The following PARP16 variants were observed in gnomAD, a reference collection of about 807,000 sequenced individuals.
PARP16 encodes poly(ADP-ribose) polymerase family member 16.
A neutral mutation model predicts 35.0 loss-of-function variants in PARP16; 31 were observed. That is an observed-to-expected ratio of 0.88 (90% confidence interval 0.66 to 1.19). The LOEUF is 1.19. Among genes scored for constraint, PARP16 ranks in the 50% most tolerant of loss-of-function variants. The probability of loss-of-function intolerance (pLI) is 0.00; values close to 1 mark genes in which losing one functional copy is unlikely to be tolerated. For missense variants in PARP16, 424 were observed against 411.2 expected (o/e 1.03, Z -0.27); for synonymous variants, 162 against 169.5 (o/e 0.96, Z 0.34).
Position 65,286,566 on chromosome 15 carries a change from GC to G in PARP16, c.-141del. On this transcript the variant is annotated 5_prime_UTR_variant, in exon 1 of 6. Coordinates refer to ENST00000649807, the MANE Select transcript of PARP16 (RefSeq NM_001316943.2). ...AGCCTGGGGTGGAGCTAGGCAGGGG[GC>G]TGAGATGACAGGGGTGAGAACGTGC... 1 of 585,108 alleles carries G rather than the reference GC, an allele frequency of 1.7e-6. No individual in the cohort carries two copies. Among genetic ancestry groups the G allele is most frequent in the Non-Finnish European group, 2.8e-6 (1 of 353,760 alleles). The allele number at this position is 585,108 out of a possible 1,614,324, so 36.2% of individuals were successfully genotyped here. A position where few individuals can be genotyped will look rare whatever the true frequency, so the allele number is the denominator to read the frequency against.
At chr15:65,266,531 C>G (rs76739062) in intron 3 of PARP16, 31 bp downstream of exon 3, 21,466 of 1,551,118 alleles carry the variant, frequency 0.014, 187 homozygotes, top group African/African-American at 0.04. Flanking sequence ...CCCTGCTTCC[C>G]CACATCAGCA....
At chr15:65,250,534 C>T (rs1001547109) in intron 2 of PARP16, among the ~76,000 whole-genome samples, 1 of 152,164 alleles carries the variant, frequency 6.6e-6, no homozygotes, top group Non-Finnish European at 1.5e-5. Flanking sequence ...AGAATAGTAT[C>T]TGCCTTGCAG....
chr15:65,257,498 G>T (rs2089550496), downstream of PARP16, among the ~76,000 whole-genome samples: 1 of 151,664 alleles, frequency 6.6e-6, no homozygotes, highest in Admixed American at 6.6e-5. Context: ...AGGCATGGTG[G>T]TGTGTGCCTG....
At chr15:65,263,356 T>A in intron 3 of PARP16, 36 bp from the exon 4 acceptor site, 3 of 1,525,198 alleles carry the variant, frequency 2.0e-6, no homozygotes, top group Non-Finnish European at 2.7e-6. Context: ...GAAACACAGA[T>A]GGTTGAATGT....
intron 1 of PARP16, among the ~76,000 whole-genome samples, chr15:65,282,364 T>C (rs1156477454): frequency 6.6e-6 from 1 of 152,222 alleles, no homozygotes; most frequent in Non-Finnish European, 1.5e-5. Flanking sequence ...CAAAATGATC[T>C]AGCCAGTCCA....
At chr15:65,240,230 C>T (rs2089020275) in intron 3 of PARP16, among the ~76,000 whole-genome samples, 1 of 151,894 alleles carries the variant, frequency 6.6e-6, no homozygotes, top group Admixed American at 6.6e-5. Context: ...CTCCACCTCC[C>T]GGGTTCACGC....
intron 1 of PARP16, among the ~76,000 whole-genome samples, chr15:65,274,246 C>CT (rs112213715): frequency 0.13 from 18,734 of 140,182 alleles, 1,516 homozygotes; most frequent in Admixed American, 0.23. Context: ...GCCCAGCATA[C>CT]TTTTTTTTTT....
chr15:65,261,310 A>G (rs576752381), intron 4 of PARP16, among the ~76,000 whole-genome samples: 1 of 151,604 alleles, frequency 6.6e-6, no homozygotes, highest in African/African-American at 2.4e-5. Context: ...TGATGGCCAT[A>G]GCAAAGAAAT....
chr15:65,237,434 T>C (rs2088914820), intron 3 of PARP16, among the ~76,000 whole-genome samples: 1 of 152,112 alleles, frequency 6.6e-6, no homozygotes, highest in Admixed American at 6.5e-5. Flanking sequence ...TCTTCATGGA[T>C]GTAATTAATT....
At chr15:65,266,918 A>T (rs1245996869) in intron 2 of PARP16, 150 bp from the exon 3 acceptor site, 1 of 640,890 alleles carries the variant, frequency 1.6e-6, no homozygotes, top group Non-Finnish European at 2.8e-6. Context: ...GCAAACTCAG[A>T]GCGTATAGCA....
chr15:65,270,936 T>TCTGCCTTCC lies in PARP16; in HGVS notation c.302_310dup (p.Gly101_Ala103dup), dbSNP rs764752352. 6.2e-7 allele frequency: 1 copy of TCTGCCTTCC among 1,614,128 alleles called. No homozygotes were observed. The highest frequency in any genetic ancestry group is 1.1e-5 in the South Asian group (1 of 91,082). On this transcript the variant is annotated inframe_insertion and splice_region_variant, in exon 2 of 6. Transcript: ENST00000649807. ...TGATGCTACGGACCAAAGTCTCACC[T>TCTGCCTTCC]CTGCCTTCCCTGCACTGTGGATTGT...
downstream of PARP16, among the ~76,000 whole-genome samples, chr15:65,232,508 T>C (rs1013917792): frequency 5.3e-5 from 8 of 152,216 alleles, no homozygotes; most frequent in Non-Finnish European, 7.3e-5. Context: ...AAACAGTGCT[T>C]TGTTTTGTTG....
At chr15:65,237,700 C>T (rs2088924483) in intron 3 of PARP16, among the ~76,000 whole-genome samples, 1 of 152,178 alleles carries the variant, frequency 6.6e-6, no homozygotes, top group African/African-American at 2.4e-5. Flanking sequence ...CCTGCCAACA[C>T]CTTGATTTTG....
chr15:65,260,790 G>T, intron 5 of PARP16, 95 bp downstream of exon 5: 1 of 1,062,260 alleles, frequency 9.4e-7, no homozygotes. Flanking sequence ...ACATCTAGCG[G>T]AGGTCTAAGG....
chr15:65,273,686 T>G (rs1335142325), intron 1 of PARP16, among the ~76,000 whole-genome samples: 1 of 151,788 alleles, frequency 6.6e-6, no homozygotes, highest in Non-Finnish European at 1.5e-5. Flanking sequence ...TGAACCAGCC[T>G]GACCAGCATG....
intron 3 of PARP16, among the ~76,000 whole-genome samples, chr15:65,265,149 A>G (rs544666375): frequency 2.0e-5 from 3 of 152,348 alleles, no homozygotes; most frequent in East Asian, 1.9e-4. Flanking sequence ...AGCAGCCACA[A>G]CTGAGCCCAT....
chr15:65,239,528 C>T (rs2088990639), intron 3 of PARP16, among the ~76,000 whole-genome samples: 1 of 149,600 alleles, frequency 6.7e-6, no homozygotes, highest in Non-Finnish European at 1.5e-5. Context: ...AAAGTTTTCT[C>T]GTGCTCCTTT....
intron 3 of PARP16, among the ~76,000 whole-genome samples, chr15:65,264,077 G>A (rs11071834): frequency 0.28 from 42,647 of 152,068 alleles, 6,231 homozygotes; most frequent in Admixed American, 0.33. Flanking sequence ...GCCGACATGC[G>A]GGGCAAGGTA....
chr15:65,240,735 G>C (rs2089050491), intron 3 of PARP16, among the ~76,000 whole-genome samples: 1 of 152,162 alleles, frequency 6.6e-6, no homozygotes, highest in Admixed American at 6.6e-5. Flanking sequence ...CTTTGTATGA[G>C]CTTCTGCTGT....
Sources: allele counts gnomAD v4.1 joint callset (sites outside exome capture counted in the v4.1 genomes callset), GRCh38; gene constraint gnomAD v4.1.1; transcripts MANE v1.5; gene names NCBI Gene and HGNC (gene_info 2026-07-23, HGNC 2026-07-21).